EZH1: variants seen among roughly 807,000 people sequenced by gnomAD.
EZH1 encodes the protein histone-lysine N-methyltransferase EZH1.
A neutral mutation model predicts 100.5 loss-of-function variants in EZH1; 33 were observed. The observed-to-expected ratio is 0.33, with a 90% CI of 0.25 to 0.44. The LOEUF (loss-of-function observed/expected upper bound fraction) is 0.44. Ranked by LOEUF, EZH1 falls within the 20% of genes least tolerant of loss-of-function variation. The probability of loss-of-function intolerance (pLI) is 1.00; values close to 1 mark genes in which losing one functional copy is unlikely to be tolerated. For missense variants in EZH1, 475 were observed against 928.4 expected, an observed-to-expected ratio of 0.51 and a Z score of 6.35; for synonymous variants, 272 against 313.8, an observed-to-expected ratio of 0.87 and a Z score of 1.41.
At chr17:42,717,949 T>G in intron 10 of EZH1, 27 bp downstream of exon 10, 1 of 1,607,740 alleles carries the variant, frequency 6.2e-7, no homozygotes, top group Non-Finnish European at 8.5e-7. Flanking sequence ...ATGAAGTTAA[T>G]AATGCCAGAA....
chr17:42,708,737 G>A, intron 14 of EZH1, 139 bp downstream of exon 14: 2 of 875,102 alleles, frequency 2.3e-6, no homozygotes, highest in Middle Eastern at 3.2e-4. Flanking sequence ...AGGCTCAGCT[G>A]TTCTCAGTTG....
chr17:42,731,338 C>A (rs2053944470), intron 1 of EZH1, among the ~76,000 whole-genome samples: 1 of 152,062 alleles, frequency 6.6e-6, no homozygotes, highest in African/African-American at 2.4e-5. Flanking sequence ...CTGGGGATCA[C>A]CTGACCTCAA....
intron 12 of EZH1, among the ~76,000 whole-genome samples, chr17:42,711,303 G>A (rs575701002): frequency 2.0e-5 from 3 of 152,206 alleles, no homozygotes; most frequent in African/African-American, 4.8e-5. Flanking sequence ...GTGAAACCCC[G>A]TCTCTATTAC....
chr17:42,706,221 A>G lies in EZH1; in HGVS notation c.1661-36T>C. 6.4e-7 allele frequency: 1 copy of G among 1,571,850 alleles called. No individual in the cohort carries two copies. The highest frequency in any genetic ancestry group is 8.7e-7 in the Non-Finnish European group (1 of 1,152,562). On this transcript the variant is annotated intron_variant, in intron 15 of 20. Coordinates refer to ENST00000428826, the MANE Select transcript of EZH1 (RefSeq NM_001991.5). The surrounding 1 kb of genome is among the most constrained non-coding windows in gnomAD (Gnocchi z 4.4). ...AAGACAGGTAAGTCTTAGAAGGGAA[A>G]TAAGCTAATACTGGGGCTTGTGGTT... is the stretch of plus-strand genomic sequence containing the variant.
intron 1 of EZH1, among the ~76,000 whole-genome samples, chr17:42,744,016 T>A (rs1215558629): frequency 6.6e-6 from 1 of 152,118 alleles, no homozygotes; most frequent in Non-Finnish European, 1.5e-5. Context: ...TTCATTGCCA[T>A]CCTTGCACCC....
At chr17:42,744,613 C>T (rs528258919) in intron 1 of EZH1, among the ~76,000 whole-genome samples, 6 of 152,332 alleles carry the variant, frequency 3.9e-5, no homozygotes, top group African/African-American at 1.4e-4. Flanking sequence ...CCTCCCCAAG[C>T]ACAGCTCCAG....
chr17:42,738,731 C>T (rs1277906461), intron 1 of EZH1, among the ~76,000 whole-genome samples: 2 of 145,560 alleles, frequency 1.4e-5, no homozygotes, highest in African/African-American at 5.2e-5. Flanking sequence ...GGATTACAGG[C>T]GTAAGCCACC....
At chr17:42,744,327 G>C (rs765390270) in intron 1 of EZH1, among the ~76,000 whole-genome samples, 3 of 152,096 alleles carry the variant, frequency 2.0e-5, no homozygotes, top group Non-Finnish European at 2.9e-5. Context: ...TTTGATCCTC[G>C]GTTGAATGGT....
At chr17:42,713,492 G>C in intron 10 of EZH1, 103 bp from the exon 11 acceptor site, 1 of 1,096,856 alleles carries the variant, frequency 9.1e-7, no homozygotes, top group Non-Finnish European at 1.2e-6. Context: ...TACAATAATA[G>C]TGTCTTTTCT....
At chr17:42,712,240 C>G in intron 12 of EZH1, 49 bp downstream of exon 12, 1 of 1,577,564 alleles carries the variant, frequency 6.3e-7, no homozygotes, top group Non-Finnish European at 8.6e-7. Flanking sequence ...CTGGACAGAG[C>G]AATGCGTGAA....
intron 1 of EZH1, among the ~76,000 whole-genome samples, chr17:42,732,433 T>C (rs553465834): frequency 2.6e-5 from 4 of 152,112 alleles, no homozygotes; most frequent in South Asian, 2.1e-4. Flanking sequence ...AGGAGTTTGA[T>C]ACAAGCCTGG....
chr17:42,717,902 G>C (rs1489882886), intron 10 of EZH1, 74 bp downstream of exon 10: 1 of 1,310,384 alleles, frequency 7.6e-7, no homozygotes. Flanking sequence ...GACCCCCAGA[G>C]TGCTGTGTAC....
At chr17:42,719,600 G>C (rs1274240827) in intron 7 of EZH1, among the ~76,000 whole-genome samples, 1 of 152,134 alleles carries the variant, frequency 6.6e-6, no homozygotes, top group Admixed American at 6.6e-5. Context: ...AGCTGGGCAT[G>C]GTGGTGCATG....
rs1050638066 is a variant in EZH1, at chr17:42,703,571, G to A, written c.2098+169C>T. Reference sequence around the variant, plus strand: ...GTTTATAATGTATTCGCTGAAAAAAGCAGATTAGAAAACTAAGATTGAGAG... The same window carrying A: ...GTTTATAATGTATTCGCTGAAAAAAACAGATTAGAAAACTAAGATTGAGAG... On this transcript the variant is annotated intron_variant, in intron 19 of 20. Transcript: ENST00000428826. The A allele has an allele frequency of 4.9e-6, 3 of 611,834 alleles. No individual in the cohort carries two copies. In the African/African-American group the frequency reaches 5.6e-5, roughly 11 times the overall value. 37.9% of individuals were successfully genotyped at this position (611,834 alleles called of 1,614,324 possible).
intron 14 of EZH1, 84 bp downstream of exon 14, chr17:42,708,792 A>G: frequency 2.1e-6 from 3 of 1,432,530 alleles, no homozygotes; most frequent in Non-Finnish European, 3.0e-6. Context: ...AGGGTCAACA[A>G]GTGCAGCTGG....
chr17:42,707,691 C>T (rs550019024), intron 15 of EZH1, among the ~76,000 whole-genome samples: 1 of 152,130 alleles, frequency 6.6e-6, no homozygotes, highest in African/African-American at 2.4e-5. Flanking sequence ...TGCTGCCCCC[C>T]ACATTTCTTA....
chr17:42,720,547 T>A, intron 6 of EZH1, 98 bp from the exon 7 acceptor site: 11 of 1,018,848 alleles, frequency 1.1e-5, no homozygotes, highest in Non-Finnish European at 1.4e-5. Flanking sequence ...GGCCCAGATA[T>A]GTCACATGTG....
At chr17:42,719,246 T>C in intron 7 of EZH1, 39 bp from the exon 8 acceptor site, 4 of 1,447,670 alleles carry the variant, frequency 2.8e-6, no homozygotes, top group Non-Finnish European at 3.9e-6. Context: ...AGTGCGATTA[T>C]CAGAACACGT....
At chr17:42,732,390 T>C (rs1355982450) in intron 1 of EZH1, among the ~76,000 whole-genome samples, 1 of 152,166 alleles carries the variant, frequency 6.6e-6, no homozygotes, top group Non-Finnish European at 1.5e-5. Context: ...CCCAGCACTT[T>C]GGGAGGCCAA....
Sources: gnomAD v4.1 joint callset for allele counts (sites outside exome capture counted in the v4.1 genomes callset) on GRCh38, gnomAD v4.1.1 for gene constraint, Gnocchi (gnomAD v3.1) non-coding constraint, MANE v1.5 for transcripts, NCBI Gene and HGNC (gene_info 2026-07-23, HGNC 2026-07-21) for gene names.